AMPH: variants seen among roughly 807,000 people sequenced by gnomAD.
AMPH encodes amphiphysin (Stiff-Mann syndrome with breast cancer 128kD autoantigen).
A neutral mutation model predicts 99.1 loss-of-function variants in AMPH; 49 were observed. The ratio of observed to expected loss-of-function variants is 0.49; its 90% CI spans 0.39 to 0.63. The LOEUF (loss-of-function observed/expected upper bound fraction) is 0.63. Ranked by LOEUF, AMPH falls within the 20% of genes least tolerant of loss-of-function variation. The probability of loss-of-function intolerance (pLI) is 0.00; values close to 1 mark genes in which losing one functional copy is unlikely to be tolerated. For synonymous variants in AMPH, 314 were observed against 317.3 expected, an observed-to-expected ratio of 0.99 and a Z score of 0.11; for missense variants, 759 against 863.4, an observed-to-expected ratio of 0.88 and a Z score of 1.52.
intron 1 of AMPH, among the ~76,000 whole-genome samples, chr7:38,571,779 A>G (rs1345263848): frequency 1.3e-5 from 2 of 152,034 alleles, no homozygotes; most frequent in East Asian, 3.8e-4. Flanking sequence ...TTAAGTGTAC[A>G]GTGTTTATTA....
intron 1 of AMPH, among the ~76,000 whole-genome samples, chr7:38,552,507 G>A (rs1791214784): frequency 6.6e-6 from 1 of 152,192 alleles, no homozygotes; most frequent in African/African-American, 2.4e-5. Context: ...TTTACCAAGT[G>A]CAAGCTCTAT....
intron 2 of AMPH, among the ~76,000 whole-genome samples, chr7:38,512,939 T>A (rs1272659935): frequency 6.6e-6 from 1 of 152,232 alleles, no homozygotes; most frequent in African/African-American, 2.4e-5. Context: ...TAGGCAGACT[T>A]ACTTGCCAGT....
chr7:38,617,285 G>A (rs1378385306), intron 1 of AMPH, among the ~76,000 whole-genome samples: 1 of 152,206 alleles, frequency 6.6e-6, no homozygotes, highest in Non-Finnish European at 1.5e-5. Context: ...ACCTCTGATA[G>A]AGGGTTCCTC....
In AMPH at chr7:38,571,159, ATAT is replaced by A. The variant is rs1407212015; in HGVS notation, c.70-36151_70-36149del. Among the ~76,000 whole-genome samples the A allele has an allele frequency of 1.2e-4, 11 of 88,656 alleles. 2 individuals are homozygous for A. In the East Asian group the frequency reaches 2.6e-3, roughly 21 times the overall value. 58.2% of individuals were successfully genotyped at this position (88,656 alleles called of 152,430 possible). On this transcript the variant is annotated intron_variant, in intron 1 of 20. Transcript: ENST00000356264. The stretch of plus-strand genomic sequence containing the variant: ...TATTTTTATATATTTATGAATATAT[ATAT>A]TTTTATATATTTTTATATATGAATA...
At chr7:38,583,830 C>A (rs1361377530) in intron 1 of AMPH, among the ~76,000 whole-genome samples, 1 of 152,190 alleles carries the variant, frequency 6.6e-6, no homozygotes, top group Non-Finnish European at 1.5e-5. Context: ...TGCTTACTAC[C>A]CACCAAGTCC....
intron 1 of AMPH, among the ~76,000 whole-genome samples, chr7:38,590,178 A>G (rs1272770345): frequency 6.6e-6 from 1 of 152,156 alleles, no homozygotes; most frequent in African/African-American, 2.4e-5. Flanking sequence ...TAGCTCTATT[A>G]GAAGCTGTGG....
chr7:38,513,106 C>A (rs1175971182), intron 2 of AMPH, among the ~76,000 whole-genome samples: 1 of 152,142 alleles, frequency 6.6e-6, no homozygotes, highest in African/African-American at 2.4e-5. Context: ...ATTTTATTGG[C>A]AATCATAGCC....
chr7:38,555,992 G>A (rs1791349058), intron 1 of AMPH, among the ~76,000 whole-genome samples: 1 of 151,848 alleles, frequency 6.6e-6, no homozygotes, highest in Admixed American at 6.6e-5. Context: ...GGAAGGAGGA[G>A]GCTAAACTAA....
chr7:38,384,815 G>A lies in AMPH; in HGVS notation c.*3C>T. On this transcript the variant is annotated 3_prime_UTR_variant, in exon 21 of 21. Coordinates refer to ENST00000356264, the MANE Select transcript of AMPH (RefSeq NM_001635.4). Reference sequence around the variant, plus strand: ...TGAGCTCCTTCTTGCAGTACTTGTTGCCCTAATCTAAGCGTCGGGTGAAGT... The same window carrying A: ...TGAGCTCCTTCTTGCAGTACTTGTTACCCTAATCTAAGCGTCGGGTGAAGT... 1 of 1,612,910 alleles carries A rather than the reference G, an allele frequency of 6.2e-7. No homozygotes were observed. The highest frequency in any genetic ancestry group is 8.5e-7 in the Non-Finnish European group (1 of 1,178,900).
At chr7:38,498,926 C>T (rs77531751) in intron 3 of AMPH, among the ~76,000 whole-genome samples, 12,115 of 152,146 alleles carry the variant, frequency 0.08, 595 homozygotes, top group African/African-American at 0.14. Flanking sequence ...CTCAAGAACC[C>T]GTGCTTCCTT....
At chr7:38,525,277 T>TATATATATATAGAGAGAG (rs1481528083) in intron 2 of AMPH, among the ~76,000 whole-genome samples, 35 of 86,644 alleles carry the variant, frequency 4.0e-4, no homozygotes, top group African/African-American at 1.5e-3. Context: ...TATATATATA[T>TATATATATATAGAGAGAG]AGAGAGAGAG....
chr7:38,526,918 T>C (rs1346407731), intron 2 of AMPH, among the ~76,000 whole-genome samples: 1 of 152,258 alleles, frequency 6.6e-6, no homozygotes, highest in Non-Finnish European at 1.5e-5. Flanking sequence ...AAGTTCTTGA[T>C]ATACTTTCAG....
At chr7:38,543,495 A>T (rs993782890) in intron 1 of AMPH, among the ~76,000 whole-genome samples, 3 of 152,182 alleles carry the variant, frequency 2.0e-5, no homozygotes, top group African/African-American at 7.2e-5. Flanking sequence ...TAAATCTATA[A>T]TTCTCTAATT....
chr7:38,484,710 T>C (rs890145662), intron 5 of AMPH, among the ~76,000 whole-genome samples: 6 of 152,030 alleles, frequency 3.9e-5, no homozygotes, highest in African/African-American at 4.8e-5. Context: ...TTTATTACTG[T>C]AACAGTGGTG....
At chr7:38,545,226 T>C (rs1017741642) in intron 1 of AMPH, among the ~76,000 whole-genome samples, 4 of 152,162 alleles carry the variant, frequency 2.6e-5, no homozygotes, top group African/African-American at 9.7e-5. Flanking sequence ...CAGCAGGAAA[T>C]GGAATCCTTC....
intron 1 of AMPH, among the ~76,000 whole-genome samples, chr7:38,603,810 T>TG (rs1793338672): frequency 6.6e-6 from 1 of 152,178 alleles, no homozygotes; most frequent in Non-Finnish European, 1.5e-5. Flanking sequence ...AAAGGATTGC[T>TG]AGGTCCCAGA....
chr7:38,527,687 A>G (rs1012012031), intron 2 of AMPH, among the ~76,000 whole-genome samples: 1 of 152,188 alleles, frequency 6.6e-6, no homozygotes, highest in Non-Finnish European at 1.5e-5. Flanking sequence ...TCATCTGCAG[A>G]CAAAATGAGT....
At chr7:38,600,901 T>C (rs1359449307) in intron 1 of AMPH, among the ~76,000 whole-genome samples, 1 of 152,208 alleles carries the variant, frequency 6.6e-6, no homozygotes, top group Non-Finnish European at 1.5e-5. Flanking sequence ...ACCACAAACA[T>C]TACCCATGCT....
intron 1 of AMPH, among the ~76,000 whole-genome samples, chr7:38,601,018 G>A (rs1240145478): frequency 6.6e-6 from 1 of 152,186 alleles, no homozygotes; most frequent in Non-Finnish European, 1.5e-5. Flanking sequence ...TTTCCTTGAA[G>A]CTCATTAGCA....
Sources: gnomAD v4.1 joint callset for allele counts (sites outside exome capture counted in the v4.1 genomes callset) on GRCh38, gnomAD v4.1.1 for gene constraint, MANE v1.5 for transcripts, NCBI Gene and HGNC (gene_info 2026-07-23, HGNC 2026-07-21) for gene names.